Variants in CSGALNACT1 observed in about 807,000 individuals in gnomAD.
The protein encoded by CSGALNACT1 is chondroitin sulfate N-acetylgalactosaminyltransferase 1, also known as beta4GalNAcT-1.
In CSGALNACT1, 52 loss-of-function variants were observed where a neutral mutation model predicts 51.0. The observed-to-expected ratio is 1.02, with a 90% CI of 0.82 to 1.29. The LOEUF (loss-of-function observed/expected upper bound fraction) is 1.29, where lower values mean the gene tolerates loss of function less well. CSGALNACT1 is among the 50% of genes most tolerant of loss of function. CSGALNACT1 has a pLI of 0.00. For synonymous variants in CSGALNACT1, 341 were observed against 254.4 expected, an observed-to-expected ratio of 1.34 and a Z score of -3.24; for missense variants, 935 against 679.2, an observed-to-expected ratio of 1.38 and a Z score of -4.19.
chr8:19,505,506 C>G, exon 4 of CSGALNACT1: 1 of 1,614,090 alleles, frequency 6.2e-7, no homozygotes, highest in Non-Finnish European at 8.5e-7. Context: ...TGGGGGGCTC[C>G]TGTCCAGACC....
chr8:19,482,715 C>A (rs1325626053), intron 4 of CSGALNACT1, among the ~76,000 whole-genome samples: 1 of 152,136 alleles, frequency 6.6e-6, no homozygotes, highest in Non-Finnish European at 1.5e-5. Flanking sequence ...GATCGCTTTT[C>A]ACTCTCAATG....
At chr8:19,503,342 T>C (rs1013079695) in intron 4 of CSGALNACT1, among the ~76,000 whole-genome samples, 2 of 152,096 alleles carry the variant, frequency 1.3e-5, no homozygotes, top group African/African-American at 4.8e-5. Flanking sequence ...AGAGCAAATA[T>C]ACTGAGGGGC....
At chr8:19,493,796 T>G (rs755791521) in intron 4 of CSGALNACT1, among the ~76,000 whole-genome samples, 5 of 152,122 alleles carry the variant, frequency 3.3e-5, no homozygotes, top group Non-Finnish European at 7.4e-5. Context: ...AAAGCTACCA[T>G]GAATATTCAC....
intron 4 of CSGALNACT1, among the ~76,000 whole-genome samples, chr8:19,468,586 G>A (rs911659600): frequency 6.6e-6 from 1 of 152,112 alleles, no homozygotes; most frequent in Admixed American, 6.6e-5. Flanking sequence ...AACCACGATG[G>A]TTTAGCAGGA....
At chr8:19,455,651 C>G (rs1296681190) in intron 5 of CSGALNACT1, among the ~76,000 whole-genome samples, 1 of 152,002 alleles carries the variant, frequency 6.6e-6, no homozygotes, top group African/African-American at 2.4e-5. Flanking sequence ...AGGTATTTAC[C>G]CTCTCGCATC....
chr8:19,450,139 G>A (rs1349436841), intron 5 of CSGALNACT1, among the ~76,000 whole-genome samples: 1 of 84,006 alleles, frequency 1.2e-5, no homozygotes, highest in Non-Finnish European at 2.4e-5. Flanking sequence ...GGAGGTGGAG[G>A]GGGAAAAGGA....
At chr8:19,713,896 A>T (rs1162368759) in intron 1 of CSGALNACT1, among the ~76,000 whole-genome samples, 2 of 152,238 alleles carry the variant, frequency 1.3e-5, no homozygotes, top group Non-Finnish European at 2.9e-5. Context: ...GAAAGAGAGA[A>T]GCCAAGCTGT....
chr8:19,460,755 A>T (rs2065188022), intron 4 of CSGALNACT1, among the ~76,000 whole-genome samples: 1 of 150,820 alleles, frequency 6.6e-6, no homozygotes, highest in African/African-American at 2.4e-5. Context: ...TTTCTTGCTC[A>T]CTCTCCCTCT....
At chr8:19,513,430 C>CTATATATATATATATATA (rs1457528458) in intron 3 of CSGALNACT1, among the ~76,000 whole-genome samples, 1 of 78,720 alleles carries the variant, frequency 1.3e-5, no homozygotes. Context: ...CTCTCTCTCT[C>CTATATATATATATATATA]TCTCTCTATA....
intron 1 of CSGALNACT1, among the ~76,000 whole-genome samples, chr8:19,662,081 C>CCCCCCA (rs2058806196): frequency 1.0e-5 from 1 of 97,994 alleles, no homozygotes. Context: ...CCCACCCCCC[C>CCCCCCA]CCCCCCCCGC....
chr8:19,467,937 G>C (rs12543997), intron 4 of CSGALNACT1, among the ~76,000 whole-genome samples: 54 of 152,236 alleles, frequency 3.5e-4, no homozygotes, highest in Non-Finnish European at 6.3e-4. Flanking sequence ...AGTGAGCTGT[G>C]ATTGCGCTGC....
intron 1 of CSGALNACT1, among the ~76,000 whole-genome samples, chr8:19,687,694 C>T (rs2061055220): frequency 6.6e-6 from 1 of 152,188 alleles, no homozygotes. Context: ...ACTCCATTCA[C>T]CTATTATCAA....
At chr8:19,462,187 T>C (rs1002373021) in intron 4 of CSGALNACT1, among the ~76,000 whole-genome samples, 1 of 152,256 alleles carries the variant, frequency 6.6e-6, no homozygotes, top group African/African-American at 2.4e-5. Context: ...AGAGGCCATA[T>C]CTGCACAACT....
At chr8:19,534,089 G>A (rs1015311767) in intron 3 of CSGALNACT1, among the ~76,000 whole-genome samples, 1 of 152,084 alleles carries the variant, frequency 6.6e-6, no homozygotes, top group African/African-American at 2.4e-5. Context: ...ATTCAGTGAT[G>A]TGTGACAAAT....
rs151081427 is a variant in CSGALNACT1 at position 19,439,666 on chromosome 8, G to A, written c.953+164C>T. 3.6e-3 allele frequency among the ~76,000 whole-genome samples: 551 copies of A among 152,322 alleles called. 2 individuals carry two copies. The highest frequency in any genetic ancestry group is 0.012 in the African/African-American group (508 of 41,572). On this transcript the variant is annotated intron_variant, in intron 6 of 9. Transcript: ENST00000454498. ...AGTGTCAGACAGGGTAGTCTCCTGC[G>A]GAAGAGGAGTGCAGACTTTTCCCTG...
At chr8:19,587,071 C>T (rs973429555) in intron 3 of CSGALNACT1, among the ~76,000 whole-genome samples, 4 of 152,158 alleles carry the variant, frequency 2.6e-5, no homozygotes, top group Admixed American at 1.3e-4. Context: ...GAGTTATTGG[C>T]CTTAGGGCTT....
chr8:19,586,970 C>T (rs1037257176), intron 3 of CSGALNACT1, among the ~76,000 whole-genome samples: 6 of 152,120 alleles, frequency 3.9e-5, no homozygotes, highest in South Asian at 2.1e-4. Context: ...CTCTGGGAAA[C>T]GCTGGTCTCA....
At chr8:19,499,108 C>G (rs538892176) in intron 4 of CSGALNACT1, among the ~76,000 whole-genome samples, 40 of 152,282 alleles carry the variant, frequency 2.6e-4, no homozygotes, top group African/African-American at 8.4e-4. Flanking sequence ...GAGTGAGACC[C>G]TGTCTCAAAA....
At chr8:19,466,054 TTG>T (rs931975238) in intron 4 of CSGALNACT1, among the ~76,000 whole-genome samples, 1 of 152,210 alleles carries the variant, frequency 6.6e-6, no homozygotes, top group African/African-American at 2.4e-5. Flanking sequence ...CCATAGAATT[TTG>T]ACAGTTGTTT....
Sources: gnomAD v4.1 joint callset for allele counts (sites outside exome capture counted in the v4.1 genomes callset) on GRCh38, gnomAD v4.1.1 for gene constraint, MANE v1.5 for transcripts, NCBI Gene and HGNC (gene_info 2026-07-23, HGNC 2026-07-21) for gene names.